Variants in DISC1 observed in about 807,000 individuals in gnomAD.
DISC1 encodes disrupted in schizophrenia 1 protein.
A neutral mutation model predicts 84.5 loss-of-function variants in DISC1; 57 were observed. The ratio of observed to expected loss-of-function variants is 0.67; its 90% CI spans 0.55 to 0.84. The LOEUF (loss-of-function observed/expected upper bound fraction) is 0.84, where lower values mean the gene tolerates loss of function less well. DISC1 is among the 40% of genes least tolerant of loss of function. The probability of loss-of-function intolerance (pLI) is 0.00; values close to 1 mark genes in which losing one functional copy is unlikely to be tolerated. For synonymous variants in DISC1, 411 were observed against 415.2 expected (o/e 0.99, Z 0.12); for missense variants, 1,000 against 1,057.8 (o/e 0.95, Z 0.76).
intron 10 of DISC1, among the ~76,000 whole-genome samples, chr1:231,974,003 G>A (rs1184876894): frequency 6.6e-6 from 1 of 151,792 alleles, no homozygotes; most frequent in Non-Finnish European, 1.5e-5. Context: ...AGTTGACGGG[G>A]ATTTTTTTTT....
intron 1 of DISC1, among the ~76,000 whole-genome samples, chr1:231,685,314 A>G (rs958960719): frequency 2.0e-5 from 3 of 152,192 alleles, no homozygotes; most frequent in African/African-American, 7.2e-5. Context: ...TACATTTTAT[A>G]TTAGTCAGTT....
chr1:231,793,272 G>A (rs1326989138), intron 6 of DISC1, among the ~76,000 whole-genome samples: 2 of 152,082 alleles, frequency 1.3e-5, no homozygotes. Flanking sequence ...CAGAAACCTT[G>A]ACCTTTCCTT....
intron 7 of DISC1, among the ~76,000 whole-genome samples, chr1:231,796,765 G>T (rs2078798035): frequency 1.3e-5 from 2 of 152,128 alleles, no homozygotes; most frequent in Admixed American, 1.3e-4. Context: ...ACCCAGGCTG[G>T]AGTGTAATGG....
At chr1:231,773,586 A>T (rs2487454) in intron 6 of DISC1, among the ~76,000 whole-genome samples, 6 of 151,990 alleles carry the variant, frequency 3.9e-5, no homozygotes, top group Non-Finnish European at 4.4e-5. Context: ...GGGTTTCACC[A>T]TGTTAGCCAG....
chr1:231,664,642 C>T (rs972146176), intron 1 of DISC1, among the ~76,000 whole-genome samples: 16 of 152,092 alleles, frequency 1.1e-4, no homozygotes, highest in African/African-American at 3.9e-4. Flanking sequence ...TTCACTGACA[C>T]CTTGATTTTA....
At chr1:231,693,064 C>G (rs1178698568) in intron 1 of DISC1, among the ~76,000 whole-genome samples, 1 of 152,202 alleles carries the variant, frequency 6.6e-6, no homozygotes, top group Non-Finnish European at 1.5e-5. Context: ...GTTAATATCA[C>G]CACTTTACTG....
Position 232,026,446 on chromosome 1 carries a change from C to A in DISC1, c.2319C>A (p.Ile773=), listed in dbSNP as rs773951758. 12 of 1,602,512 alleles carry A rather than the reference C, an allele frequency of 7.5e-6. No individual in the cohort carries two copies. The East Asian group carries it at 2.5e-4, about 33-fold the overall frequency. Residue 773 remains isoleucine (I), a synonymous_variant, in exon 12 of 13, where the codon ATC becomes ATA. Transcript: ENST00000439617. ...CCCCCTCTCGCCAGGAATCTTACAT[C>A]CTTTCTGCAGAACTTGGAGAAAAGT... ...AGGEQKEESY[I]LSAELGEKCE...
In DISC1 at chr1:231,871,553, A is replaced by T. The variant is rs530776270; in HGVS notation, c.1981+53036A>T. On this transcript the variant is annotated intron_variant, in intron 9 of 12. Coordinates refer to ENST00000439617, the MANE Select transcript of DISC1 (RefSeq NM_018662.3). ...AAACGATCTGTAGCTGGTGGCTTTT[A>T]TTCCTGAAGTTCAAATATAGACAAC... 2.6e-5 allele frequency among the ~76,000 whole-genome samples: 4 copies of T among 152,308 alleles called. No individual in the cohort carries two copies. The South Asian group carries it at 8.3e-4, about 32-fold the overall frequency.
intron 7 of DISC1, among the ~76,000 whole-genome samples, chr1:231,798,113 CCA>C (rs113265676): frequency 6.8e-5 from 10 of 147,172 alleles, no homozygotes; most frequent in African/African-American, 2.0e-4. Context: ...GTTAGACACA[CCA>C]CACACACACA....
intron 3 of DISC1, among the ~76,000 whole-genome samples, chr1:231,727,244 C>T (rs2070847004): frequency 6.6e-6 from 1 of 152,126 alleles, no homozygotes; most frequent in South Asian, 2.1e-4. Context: ...TTACATTGCA[C>T]ACCTATAATG....
intron 1 of DISC1, among the ~76,000 whole-genome samples, chr1:231,672,293 G>A (rs2062702064): frequency 6.6e-6 from 1 of 151,898 alleles, no homozygotes; most frequent in African/African-American, 2.4e-5. Flanking sequence ...ACCTCAGTTG[G>A]GGACATGAAC....
chr1:232,029,733 T>C (rs970576393), intron 12 of DISC1, among the ~76,000 whole-genome samples: 2 of 152,256 alleles, frequency 1.3e-5, no homozygotes, highest in Admixed American at 1.3e-4. Context: ...GATGCTACCA[T>C]GGATGTTTAT....
At chr1:231,964,925 C>A (rs1660890491) in intron 10 of DISC1, among the ~76,000 whole-genome samples, 1 of 152,184 alleles carries the variant, frequency 6.6e-6, no homozygotes, top group African/African-American at 2.4e-5. Context: ...GCTCCTTTTC[C>A]ATTAGAATGC....
chr1:231,997,176 G>C (rs1018074193), intron 10 of DISC1, among the ~76,000 whole-genome samples: 2 of 152,188 alleles, frequency 1.3e-5, no homozygotes, highest in African/African-American at 4.8e-5. Context: ...CATTCTAAGA[G>C]AAGTTTGGGG....
intron 1 of DISC1, among the ~76,000 whole-genome samples, chr1:231,692,126 TG>T (rs2065106828): frequency 6.6e-6 from 1 of 152,226 alleles, no homozygotes; most frequent in Non-Finnish European, 1.5e-5. Context: ...CCGGGAGTTC[TG>T]GGGCAAAGTA....
intron 6 of DISC1, chr1:231,771,392 A>T: frequency 1.0e-6 from 1 of 985,368 alleles, no homozygotes; most frequent in Non-Finnish European, 1.2e-6. Context: ...TTGGTTAGAG[A>T]TCCTAATGCC....
chr1:231,699,070 G>A (rs1412096048), intron 2 of DISC1, among the ~76,000 whole-genome samples: 1 of 152,100 alleles, frequency 6.6e-6, no homozygotes, highest in Non-Finnish European at 1.5e-5. Context: ...TTTTTGGGGG[G>A]CAAGAACCCA....
chr1:231,852,948 T>A (rs9431696), intron 9 of DISC1, among the ~76,000 whole-genome samples: 14,104 of 152,244 alleles, frequency 0.093, 1,571 homozygotes, highest in African/African-American at 0.27. Context: ...TTTACAAGGG[T>A]TTATGCCACA....
intron 2 of DISC1, among the ~76,000 whole-genome samples, chr1:231,700,811 G>A (rs926456817): frequency 6.6e-6 from 1 of 152,174 alleles, no homozygotes; most frequent in Non-Finnish European, 1.5e-5. Flanking sequence ...CACAATGGAG[G>A]TATAGAGGAG....
Sources: allele counts gnomAD v4.1 joint callset (sites outside exome capture counted in the v4.1 genomes callset), GRCh38; gene constraint gnomAD v4.1.1; transcripts MANE v1.5; gene names NCBI Gene and HGNC (gene_info 2026-07-23, HGNC 2026-07-21).